Variants in ARHGAP10 observed in about 807,000 individuals in gnomAD.
The protein encoded by ARHGAP10 is rho GTPase-activating protein 10.
Under a neutral mutation model 108.6 loss-of-function variants are expected in ARHGAP10, and 87 were observed. That is an observed-to-expected ratio of 0.80 (90% CI 0.67 to 0.96). The LOEUF is 0.96. Ranked by LOEUF, ARHGAP10 falls within the 40% of genes least tolerant of loss-of-function variation. The probability of loss-of-function intolerance (pLI) is 0.00; values close to 1 mark genes in which losing one functional copy is unlikely to be tolerated. For missense variants in ARHGAP10, 939 were observed against 954.5 expected (o/e 0.98, Z 0.21); for synonymous variants, 347 against 341.1 (o/e 1.02, Z -0.19).
At chr4:147,890,826 C>CAA (rs993944801) in intron 10 of ARHGAP10, among the ~76,000 whole-genome samples, 16 of 149,986 alleles carry the variant, frequency 1.1e-4, no homozygotes, top group Non-Finnish European at 2.2e-4. Context: ...GACTCCATCA[C>CAA]AAAAAAAACA....
At chr4:147,987,331 T>G (rs999367851) in intron 18 of ARHGAP10, among the ~76,000 whole-genome samples, 1 of 152,218 alleles carries the variant, frequency 6.6e-6, no homozygotes, top group Non-Finnish European at 1.5e-5. Context: ...TTTTAAAAAA[T>G]TTTTTCTGGA....
intron 7 of ARHGAP10, among the ~76,000 whole-genome samples, chr4:147,871,166 G>A (rs1734809919): frequency 1.3e-5 from 2 of 152,092 alleles, no homozygotes; most frequent in South Asian, 4.1e-4. Context: ...CACCGTGTTA[G>A]CCAGGATGGT....
chr4:147,739,017 T>C (rs1297296130), intron 1 of ARHGAP10, among the ~76,000 whole-genome samples: 1 of 150,212 alleles, frequency 6.7e-6, no homozygotes, highest in Non-Finnish European at 1.5e-5. Flanking sequence ...ACCCCATCTC[T>C]ACTAAAAATA....
At chr4:148,062,010 G>A (rs987409313) in intron 20 of ARHGAP10, among the ~76,000 whole-genome samples, 6 of 152,174 alleles carry the variant, frequency 3.9e-5, no homozygotes, top group Admixed American at 2.0e-4. Context: ...GAGCAGGGCG[G>A]GGAGCTTGAG....
rs1047898944 is a variant in ARHGAP10, at chr4:147,732,392, A to G, written c.91A>G (p.Arg31Gly). 4 of 1,613,302 alleles carry G rather than the reference A, an allele frequency of 2.5e-6. No individual in the cohort carries two copies. Among genetic ancestry groups the G allele is most frequent in the Non-Finnish European group, 3.4e-6 (4 of 1,179,632 alleles). The part of the protein sequence containing the change: ...RIRAHEAELE[R>G]TNKFIKELIK... Reference sequence around the variant, plus strand: ...CCGCGCTCACGAAGCGGAACTCGAGAGGACCAACAAGTTCATCAAAGAGCT... The same window carrying G: ...CCGCGCTCACGAAGCGGAACTCGAGGGGACCAACAAGTTCATCAAAGAGCT... Residue 31 changes from arginine (R) to glycine (G), a missense_variant, in exon 1 of 23, where the codon AGG (arginine) becomes GGG (glycine). By Grantham distance (125) the Arg-to-Gly change is moderately radical. Transcript: ENST00000336498.
At chr4:147,788,801 A>G (rs2126743287) in intron 1 of ARHGAP10, among the ~76,000 whole-genome samples, 1 of 152,320 alleles carries the variant, frequency 6.6e-6, no homozygotes, top group South Asian at 2.1e-4. Context: ...TTCCCATGAC[A>G]CCAGGAAATC....
At position 147,732,326 on chromosome 4, in the gene ARHGAP10, A is replaced by G. The variant is rs1466873833; in HGVS notation, c.25A>G (p.Ser9Gly). ...CATGGGGCTGCAGCCCCTGGAGTTC[A>G]GCGACTGCTACCTCGACAGCCCGTG... MGLQPLEFSDCYLDSPWFR... is the reference protein window; with the variant it reads MGLQPLEFGDCYLDSPWFR... Residue 9 changes from serine to glycine, a missense_variant, in exon 1 of 23, where the codon AGC becomes GGC. Ser to Gly is a moderately conservative substitution (Grantham distance 56, BLOSUM62 0). Coordinates refer to ENST00000336498, the MANE Select transcript of ARHGAP10 (RefSeq NM_024605.4). The G allele has an allele frequency of 1.2e-6, 2 of 1,612,564 alleles. No homozygotes were observed. Among genetic ancestry groups the G allele is most frequent in the South Asian group, 2.2e-5 (2 of 90,966 alleles).
rs537506662 is a variant in ARHGAP10, at chr4:147,965,217, G to A, written c.1556+88G>A. 38 of 899,810 alleles carry A rather than the reference G, an allele frequency of 4.2e-5. No individual in the cohort carries two copies. In the East Asian group the frequency reaches 1.1e-3, roughly 26 times the overall value. The allele number at this position is 899,810 out of a possible 1,614,324, so 55.7% of individuals were successfully genotyped here. A position where few individuals can be genotyped will look rare whatever the true frequency, so the allele number is the denominator to read the frequency against. Reference sequence around the variant, plus strand: ...GGGATTTGTGACGGGTGGAACTGGGGACCACACCTGGAAGGGCAGGCTGAA... The same window carrying A: ...GGGATTTGTGACGGGTGGAACTGGGAACCACACCTGGAAGGGCAGGCTGAA... On this transcript the variant is annotated intron_variant, in intron 17 of 22. Transcript: ENST00000336498.
chr4:147,991,834 G>A (rs755422256), intron 18 of ARHGAP10, among the ~76,000 whole-genome samples: 5 of 152,210 alleles, frequency 3.3e-5, no homozygotes, highest in Non-Finnish European at 5.9e-5. Flanking sequence ...TTTAACTGCC[G>A]TAGTGAGGAA....
chr4:147,940,434 G>T (rs1193200272), intron 14 of ARHGAP10, among the ~76,000 whole-genome samples: 3 of 152,150 alleles, frequency 2.0e-5, no homozygotes, highest in Admixed American at 6.5e-5. Flanking sequence ...ACTAGAGGAA[G>T]CCAGAAAGTG....
intron 18 of ARHGAP10, among the ~76,000 whole-genome samples, chr4:148,016,729 T>C (rs1341007344): frequency 6.6e-6 from 1 of 152,020 alleles, no homozygotes; most frequent in Non-Finnish European, 1.5e-5. Flanking sequence ...GAGGGCTTAG[T>C]CCCCAAGACT....
intron 13 of ARHGAP10, among the ~76,000 whole-genome samples, chr4:147,937,211 T>TCAGCAG (rs1198504087): frequency 1.3e-5 from 2 of 151,930 alleles, no homozygotes. Flanking sequence ...TATTAAGCTA[T>TCAGCAG]CAGCAGGGTT....
intron 18 of ARHGAP10, among the ~76,000 whole-genome samples, chr4:147,976,541 GT>G (rs56763356): frequency 0.085 from 11,914 of 140,358 alleles, 958 homozygotes; most frequent in African/African-American, 0.22. Context: ...TTTGTGTGTG[GT>G]TTTTTTTTTT....
At chr4:147,953,676 A>G (rs535647951) in intron 15 of ARHGAP10, among the ~76,000 whole-genome samples, 2 of 151,858 alleles carry the variant, frequency 1.3e-5, no homozygotes, top group East Asian at 1.9e-4. Context: ...GGATTGATCA[A>G]TTTTACTGAT....
At chr4:147,790,142 C>T (rs112298617) in intron 1 of ARHGAP10, among the ~76,000 whole-genome samples, 70 of 152,034 alleles carry the variant, frequency 4.6e-4, no homozygotes, top group African/African-American at 1.6e-3. Flanking sequence ...CTGGTATATT[C>T]GGTATCTGGT....
At chr4:147,797,309 C>A (rs554780734) in intron 1 of ARHGAP10, among the ~76,000 whole-genome samples, 1 of 152,246 alleles carries the variant, frequency 6.6e-6, no homozygotes, top group East Asian at 1.9e-4. Flanking sequence ...TTTACACTGA[C>A]CCCAGCATGC....
rs746021558 is a variant in ARHGAP10, at chr4:147,866,457, A to G, written c.598-255A>G. On this transcript the variant is annotated intron_variant, in intron 6 of 22. Coordinates refer to ENST00000336498, the MANE Select transcript of ARHGAP10 (RefSeq NM_024605.4). ...GACAAATGGATGACTTAATAATTCAATTTTTCCTGCAGAACATGCCATATA... is the reference window on the plus strand; with the variant it reads ...GACAAATGGATGACTTAATAATTCAGTTTTTCCTGCAGAACATGCCATATA... 2.8e-5 allele frequency: 10 copies of G among 351,418 alleles called. No homozygotes were observed. The East Asian group carries it at 3.1e-4, about 11-fold the overall frequency. 21.8% of individuals were successfully genotyped at this position (351,418 alleles called of 1,614,324 possible).
intron 18 of ARHGAP10, 66 bp downstream of exon 18, chr4:147,966,905 C>G: frequency 7.8e-7 from 1 of 1,289,698 alleles, no homozygotes; most frequent in Non-Finnish European, 1.0e-6. Flanking sequence ...CACAACGATC[C>G]TCTTAGATTT....
intron 18 of ARHGAP10, among the ~76,000 whole-genome samples, chr4:148,015,049 C>T (rs1741297827): frequency 6.6e-6 from 1 of 152,152 alleles, no homozygotes; most frequent in Non-Finnish European, 1.5e-5. Flanking sequence ...CCCTTATTCC[C>T]TCTCTTTTCT....
Sources: gnomAD v4.1 joint callset for allele counts (sites outside exome capture counted in the v4.1 genomes callset) on GRCh38, gnomAD v4.1.1 for gene constraint, MANE v1.5 for transcripts, NCBI Gene and HGNC (gene_info 2026-07-23, HGNC 2026-07-21) for gene names.